The following LDB2 variants were observed in gnomAD, a reference collection of about 807,000 sequenced individuals.
The protein encoded by LDB2 is LIM domain-binding protein 2.
LDB2 carries 12 observed loss-of-function variants against 44.3 expected under a neutral mutation model. The observed-to-expected ratio is 0.27, with a 90% CI of 0.17 to 0.44. The LOEUF (loss-of-function observed/expected upper bound fraction) is 0.44. Among genes scored for constraint, LDB2 ranks in the 20% least tolerant of loss-of-function variants. The probability of loss-of-function intolerance (pLI) is 1.00; values close to 1 mark genes in which losing one functional copy is unlikely to be tolerated. For missense variants in LDB2, 344 were observed against 473.5 expected, an observed-to-expected ratio of 0.73 and a Z score of 2.54; for synonymous variants, 164 against 174.8, an observed-to-expected ratio of 0.94 and a Z score of 0.49.
chr4:16,570,840 C>T (rs971834195), intron 5 of LDB2, among the ~76,000 whole-genome samples: 5 of 152,100 alleles, frequency 3.3e-5, no homozygotes, highest in Admixed American at 1.3e-4. Context: ...CCAGCTTTAT[C>T]GTGAACACTT....
chr4:16,590,432 T>C (rs2152432100), intron 3 of LDB2, among the ~76,000 whole-genome samples: 1 of 152,326 alleles, frequency 6.6e-6, no homozygotes, highest in Admixed American at 6.5e-5. Flanking sequence ...TATATCAGCC[T>C]TTTACGAAAT....
chr4:16,827,570 T>A (rs1424608686), intron 1 of LDB2, among the ~76,000 whole-genome samples: 1 of 152,150 alleles, frequency 6.6e-6, no homozygotes, highest in Non-Finnish European at 1.5e-5. Context: ...CTAGGCAAAT[T>A]AGTGTCAAAA....
chr4:16,683,983 A>T (rs576014517), intron 2 of LDB2, among the ~76,000 whole-genome samples: 1 of 152,302 alleles, frequency 6.6e-6, no homozygotes, highest in South Asian at 2.1e-4. Context: ...TTCTATTAGC[A>T]GTAATGGATC....
chr4:16,623,323 C>T (rs977820562), intron 2 of LDB2, among the ~76,000 whole-genome samples: 7 of 152,304 alleles, frequency 4.6e-5, no homozygotes, highest in Admixed American at 2.0e-4. Flanking sequence ...ATCGGCCGGA[C>T]GCAGTGGCTC....
intron 2 of LDB2, among the ~76,000 whole-genome samples, chr4:16,676,890 G>A (rs1436160790): frequency 2.6e-5 from 4 of 152,216 alleles, no homozygotes; most frequent in Non-Finnish European, 5.9e-5. Flanking sequence ...GCATGGGAGA[G>A]TAGGGCAAAG....
chr4:16,884,523 T>C (rs1287127491), intron 1 of LDB2, among the ~76,000 whole-genome samples: 1 of 152,176 alleles, frequency 6.6e-6, no homozygotes, highest in African/African-American at 2.4e-5. Flanking sequence ...TCACCCTTCC[T>C]AAAATATAAT....
intron 1 of LDB2, among the ~76,000 whole-genome samples, chr4:16,787,882 G>T (rs765776460): frequency 6.6e-6 from 1 of 152,156 alleles, no homozygotes; most frequent in Non-Finnish European, 1.5e-5. Context: ...TGTAAATATT[G>T]TTACTAGAAA....
chr4:16,887,918 TAA>T (rs970603914), intron 1 of LDB2, among the ~76,000 whole-genome samples: 1 of 147,106 alleles, frequency 6.8e-6, no homozygotes, highest in Admixed American at 6.8e-5. Context: ...CTTGCATCTG[TAA>T]AAAAAAAAGA....
intron 5 of LDB2, among the ~76,000 whole-genome samples, chr4:16,512,623 A>C (rs1413524953): frequency 1.3e-5 from 2 of 152,246 alleles, no homozygotes; most frequent in Non-Finnish European, 2.9e-5. Context: ...AGTGGCAACT[A>C]CAGGCACTTT....
At chr4:16,766,500 GTGTGTA>G (rs1769298107) in intron 1 of LDB2, among the ~76,000 whole-genome samples, 1 of 96,728 alleles carries the variant, frequency 1.0e-5, no homozygotes, top group Non-Finnish European at 2.1e-5. Flanking sequence ...GTGTGTGTGT[GTGTGTA>G]TATATTTTTT....
chr4:16,808,404 G>T (rs113500849), intron 1 of LDB2, among the ~76,000 whole-genome samples: 1 of 152,216 alleles, frequency 6.6e-6, no homozygotes, highest in South Asian at 2.1e-4. Context: ...GCTTCAGGCA[G>T]ATTTTAGTAA....
chr4:16,574,693 C>T (rs1747715332), intron 5 of LDB2, among the ~76,000 whole-genome samples: 1 of 152,180 alleles, frequency 6.6e-6, no homozygotes, highest in African/African-American at 2.4e-5. Context: ...GGCAGCAGTA[C>T]AAGTTGAGTC....
chr4:16,518,722 G>T (rs1724827369), intron 5 of LDB2, among the ~76,000 whole-genome samples: 1 of 152,174 alleles, frequency 6.6e-6, no homozygotes, highest in Non-Finnish European at 1.5e-5. Flanking sequence ...CAAGAAGGTG[G>T]CTGCAAATGA....
At chr4:16,755,040 C>T (rs374545261) in intron 2 of LDB2, among the ~76,000 whole-genome samples, 2 of 152,096 alleles carry the variant, frequency 1.3e-5, no homozygotes, top group Non-Finnish European at 2.9e-5. Context: ...AAGTATTTTC[C>T]GAATGAGATG....
intron 2 of LDB2, among the ~76,000 whole-genome samples, chr4:16,688,942 A>G (rs1399556510): frequency 1.3e-5 from 2 of 152,276 alleles, no homozygotes; most frequent in African/African-American, 4.8e-5. Context: ...ATAAACAACA[A>G]CAATAACAAA....
At chr4:16,613,881 C>T (rs1398842082) in intron 2 of LDB2, among the ~76,000 whole-genome samples, 1 of 152,148 alleles carries the variant, frequency 6.6e-6, no homozygotes, top group African/African-American at 2.4e-5. Context: ...TCCCATCAAG[C>T]TACATTGACA....
At chr4:16,864,240 T>C (rs554322406) in intron 1 of LDB2, among the ~76,000 whole-genome samples, 2 of 152,324 alleles carry the variant, frequency 1.3e-5, no homozygotes, top group South Asian at 4.1e-4. Context: ...TTTTCTATTC[T>C]ACAATTTTAT....
intron 2 of LDB2, among the ~76,000 whole-genome samples, chr4:16,664,457 G>A (rs1742457604): frequency 6.6e-6 from 1 of 152,186 alleles, no homozygotes; most frequent in Non-Finnish European, 1.5e-5. Context: ...CAGGATGGCA[G>A]GGGTAGTAGG....
At chr4:16,552,553 G>A (rs1037756959) in intron 5 of LDB2, among the ~76,000 whole-genome samples, 1 of 152,038 alleles carries the variant, frequency 6.6e-6, no homozygotes, top group Admixed American at 6.6e-5. Context: ...GTTCTAAAAT[G>A]ACGCTTATTA....
Sources: gnomAD v4.1 joint callset for allele counts (sites outside exome capture counted in the v4.1 genomes callset) on GRCh38, gnomAD v4.1.1 for gene constraint, MANE v1.5 for transcripts, NCBI Gene and HGNC (gene_info 2026-07-23, HGNC 2026-07-21) for gene names.